The following SMYD3 variants were observed in gnomAD, a reference collection of about 807,000 sequenced individuals.
SMYD3 encodes the protein histone-lysine N-methyltransferase SMYD3.
A neutral mutation model predicts 57.7 loss-of-function variants in SMYD3; 36 were observed. The ratio of observed to expected loss-of-function variants is 0.62; its 90% CI spans 0.48 to 0.82. SMYD3 has a LOEUF of 0.82. SMYD3 is among the 40% of genes least tolerant of loss of function. SMYD3 has a pLI of 0.00. For missense variants in SMYD3, 515 were observed against 538.8 expected (o/e 0.96, Z 0.44); for synonymous variants, 211 against 195.0 (o/e 1.08, Z -0.68).
intron 5 of SMYD3, among the ~76,000 whole-genome samples, chr1:246,119,035 T>C (rs1157036089): frequency 1.3e-5 from 2 of 152,120 alleles, no homozygotes; most frequent in Non-Finnish European, 2.9e-5. Flanking sequence ...TTATTATTTT[T>C]TTAGAGACAA....
intron 5 of SMYD3, among the ~76,000 whole-genome samples, chr1:246,036,860 C>G (rs10802320): frequency 0.46 from 69,864 of 151,604 alleles, 18,317 homozygotes; most frequent in East Asian, 0.96. Flanking sequence ...CACCACGCCT[C>G]GCCTTTTATT....
chr1:245,906,827 C>T (rs186004358), intron 8 of SMYD3, among the ~76,000 whole-genome samples: 26 of 152,276 alleles, frequency 1.7e-4, no homozygotes, highest in Non-Finnish European at 3.2e-4. Flanking sequence ...AAATGAGATC[C>T]AGTCATTTGT....
intron 10 of SMYD3, among the ~76,000 whole-genome samples, chr1:245,816,678 T>A (rs542663465): frequency 5.7e-4 from 86 of 151,578 alleles, no homozygotes; most frequent in Non-Finnish European, 1.0e-3. Flanking sequence ...TGGGCACAGG[T>A]CAGTGGGTGC....
At chr1:245,870,874 C>A (rs2052156103) in intron 8 of SMYD3, among the ~76,000 whole-genome samples, 3 of 152,132 alleles carry the variant, frequency 2.0e-5, no homozygotes, top group Non-Finnish European at 4.4e-5. Context: ...AGCTCGAACA[C>A]TTGAACAGAT....
At chr1:246,074,850 G>A (rs942762052) in intron 5 of SMYD3, among the ~76,000 whole-genome samples, 3 of 151,864 alleles carry the variant, frequency 2.0e-5, no homozygotes, top group African/African-American at 4.8e-5. Context: ...TTCAGTTGCT[G>A]CCCTTCACAG....
intron 8 of SMYD3, among the ~76,000 whole-genome samples, chr1:245,893,091 C>T (rs1273328847): frequency 6.6e-6 from 1 of 152,170 alleles, no homozygotes; most frequent in African/African-American, 2.4e-5. Flanking sequence ...TTAAGATGTA[C>T]ATGTGGCACA....
At chr1:246,159,819 G>A (rs933416594) in intron 5 of SMYD3, among the ~76,000 whole-genome samples, 1 of 152,052 alleles carries the variant, frequency 6.6e-6, no homozygotes. Flanking sequence ...CTGGAGTGGG[G>A]GGAGTACTTT....
At chr1:246,120,844 C>A (rs1025778288) in intron 5 of SMYD3, among the ~76,000 whole-genome samples, 2 of 152,092 alleles carry the variant, frequency 1.3e-5, no homozygotes, top group African/African-American at 4.8e-5. Context: ...CTGTGAGATC[C>A]AGAAGGGCAG....
At chr1:246,008,460 G>A (rs911184447) in intron 5 of SMYD3, among the ~76,000 whole-genome samples, 8 of 152,330 alleles carry the variant, frequency 5.3e-5, no homozygotes, top group Middle Eastern at 3.4e-3. Flanking sequence ...TGCCCTCTGG[G>A]CTTCCCCTCC....
chr1:246,473,871 G>C (rs989822226), intron 1 of SMYD3, among the ~76,000 whole-genome samples: 26 of 152,130 alleles, frequency 1.7e-4, no homozygotes, highest in Non-Finnish European at 2.9e-4. Context: ...AATGAGGTTT[G>C]TCTTTGTTGC....
intron 5 of SMYD3, among the ~76,000 whole-genome samples, chr1:246,232,957 T>C (rs1361853665): frequency 1.5e-5 from 2 of 133,858 alleles, no homozygotes; most frequent in African/African-American, 5.6e-5. Context: ...GAAGCACTCC[T>C]CAATTCACAC....
intron 1 of SMYD3, among the ~76,000 whole-genome samples, chr1:246,436,748 C>T (rs1406644386): frequency 1.3e-5 from 2 of 152,212 alleles, no homozygotes; most frequent in Non-Finnish European, 2.9e-5. Context: ...CCCCCAAGGG[C>T]AGGTTTACTT....
rs1054866239 is a variant in SMYD3, at chr1:246,470,511, A to T, written c.164+36543T>A. Among the ~76,000 whole-genome samples the T allele has an allele frequency of 8.3e-3, 1,024 of 122,832 alleles. 6 individuals carry two copies. Among genetic ancestry groups the T allele is most frequent in the African/African-American group, 0.012 (316 of 25,294 alleles). 80.6% of individuals were successfully genotyped at this position (122,832 alleles called of 152,430 possible). On this transcript the variant is annotated intron_variant, in intron 1 of 11. Transcript: ENST00000490107. ...ATCTGTCTAAAAATAAAAAAAAATTAAAAAAAAAAATATATATATATATAA... is the reference window on the plus strand; with the variant it reads ...ATCTGTCTAAAAATAAAAAAAAATTTAAAAAAAAAATATATATATATATAA...
chr1:246,024,049 C>T (rs1036837338), intron 5 of SMYD3, among the ~76,000 whole-genome samples: 35 of 152,164 alleles, frequency 2.3e-4, no homozygotes, highest in African/African-American at 7.5e-4. Context: ...ACTGAATTTA[C>T]AGCAAATGTC....
intron 10 of SMYD3, among the ~76,000 whole-genome samples, chr1:245,829,754 T>C (rs2049726036): frequency 6.6e-6 from 1 of 152,038 alleles, no homozygotes; most frequent in South Asian, 2.1e-4. Context: ...CATCACTTGA[T>C]AGATAAATAT....
At chr1:245,894,103 A>C (rs1331493422) in intron 8 of SMYD3, among the ~76,000 whole-genome samples, 1 of 152,190 alleles carries the variant, frequency 6.6e-6, no homozygotes, top group Non-Finnish European at 1.5e-5. Context: ...GAATTGGAGA[A>C]CTTTTCTGTC....
chr1:245,821,298 G>C (rs181416704), intron 10 of SMYD3, among the ~76,000 whole-genome samples: 4,020 of 150,496 alleles, frequency 0.027, 207 homozygotes, highest in African/African-American at 0.09. Context: ...AATGGGGAAA[G>C]GATTCCCTAT....
At chr1:246,070,072 T>C (rs143027296) in intron 5 of SMYD3, among the ~76,000 whole-genome samples, 269 of 152,196 alleles carry the variant, frequency 1.8e-3, no homozygotes, top group African/African-American at 6.3e-3. Context: ...GCCCTGCCCG[T>C]CCTAGACTAT....
At chr1:245,987,747 T>G (rs2058731553) in intron 5 of SMYD3, among the ~76,000 whole-genome samples, 2 of 152,198 alleles carry the variant, frequency 1.3e-5, no homozygotes, top group African/African-American at 4.8e-5. Context: ...TCCCGGCACT[T>G]AAGCACCACA....
Sources: allele counts gnomAD v4.1 joint callset (sites outside exome capture counted in the v4.1 genomes callset), GRCh38; gene constraint gnomAD v4.1.1; transcripts MANE v1.5; gene names NCBI Gene and HGNC (gene_info 2026-07-23, HGNC 2026-07-21).